Variants in TNS1 observed in about 807,000 individuals in gnomAD.
TNS1 encodes the protein tensin 1.
A neutral mutation model predicts 168.6 loss-of-function variants in TNS1; 62 were observed. The ratio of observed to expected loss-of-function variants is 0.37; its 90% CI spans 0.30 to 0.45. TNS1 has a LOEUF of 0.45. TNS1 is among the 20% of genes least tolerant of loss of function. The pLI, the probability that TNS1 is intolerant of heterozygous loss-of-function variation, is 1.00. For synonymous variants in TNS1, 934 were observed against 933.2 expected (o/e 1.00, Z -0.02); for missense variants, 2,240 against 2,339.4 (o/e 0.96, Z 0.88).
intron 3 of TNS1, among the ~76,000 whole-genome samples, chr2:217,962,512 G>C (rs1012433278): frequency 6.6e-6 from 1 of 152,038 alleles, no homozygotes; most frequent in Non-Finnish European, 1.5e-5. Flanking sequence ...GCCATGGCTA[G>C]ATCAATTGGA....
chr2:217,835,278 G>T, intron 20 of TNS1, 112 bp from the exon 21 acceptor site: 1 of 999,508 alleles, frequency 1.0e-6, no homozygotes, highest in Non-Finnish European at 1.5e-6. Flanking sequence ...ACATCCCCTC[G>T]TCAGCCTGGC....
intron 18 of TNS1, 107 bp from the exon 19 acceptor site, chr2:217,849,194 GC>G: frequency 7.3e-7 from 1 of 1,375,962 alleles, no homozygotes; most frequent in Non-Finnish European, 9.8e-7. Context: ...CCCATGCCCT[GC>G]ATCCTAAAAC....
At chr2:217,967,475 T>C (rs767118316) in intron 3 of TNS1, among the ~76,000 whole-genome samples, 2 of 151,998 alleles carry the variant, frequency 1.3e-5, no homozygotes, top group African/African-American at 2.4e-5. Context: ...ATTACTCAAA[T>C]CACAAGTGAA....
chr2:217,976,566 C>T (rs972993508), intron 3 of TNS1, among the ~76,000 whole-genome samples: 2 of 152,244 alleles, frequency 1.3e-5, no homozygotes, highest in African/African-American at 4.8e-5. Context: ...ACTTAGTTGG[C>T]CTCCTTGGGC....
At chr2:217,996,752 C>G (rs1958477135) in intron 1 of TNS1, among the ~76,000 whole-genome samples, 2 of 152,040 alleles carry the variant, frequency 1.3e-5, no homozygotes, top group African/African-American at 4.8e-5. Flanking sequence ...GCCCCGACAC[C>G]AGGCCGCTCC....
intron 3 of TNS1, among the ~76,000 whole-genome samples, chr2:217,971,233 T>C (rs555892884): frequency 6.6e-6 from 1 of 152,278 alleles, no homozygotes; most frequent in Admixed American, 6.5e-5. Context: ...TTGCAGCCAA[T>C]CTCCCCACCA....
At chr2:218,019,643 G>A (rs924329515) in intron 1 of TNS1, among the ~76,000 whole-genome samples, 7 of 152,140 alleles carry the variant, frequency 4.6e-5, no homozygotes, top group South Asian at 2.1e-4. Flanking sequence ...TTGCCCTTTC[G>A]CCTCAGAGCA....
At chr2:217,896,197 C>G (rs113973225) in intron 8 of TNS1, among the ~76,000 whole-genome samples, 1 of 152,210 alleles carries the variant, frequency 6.6e-6, no homozygotes, top group Non-Finnish European at 1.5e-5. Context: ...AGAATTTGAA[C>G]CCAGGACTTT....
chr2:217,893,046 C>A (rs778489875), intron 10 of TNS1, 34 bp from the exon 11 acceptor site: 4 of 1,613,362 alleles, frequency 2.5e-6, no homozygotes, highest in Admixed American at 1.7e-5. Context: ...TCATTTATTT[C>A]TAAGGCCAGC....
intron 22 of TNS1, among the ~76,000 whole-genome samples, chr2:217,828,786 T>C (rs1415209016): frequency 6.6e-6 from 1 of 152,188 alleles, no homozygotes; most frequent in East Asian, 1.9e-4. Context: ...CCCAATGCAT[T>C]ATTGTATACA....
chr2:217,981,187 C>A (rs149930805), intron 2 of TNS1, among the ~76,000 whole-genome samples: 1 of 152,206 alleles, frequency 6.6e-6, no homozygotes, highest in Non-Finnish European at 1.5e-5. Flanking sequence ...GGAGGCCCAT[C>A]CCCTGGGCAG....
At chr2:217,907,493 G>A (rs537227967) in intron 4 of TNS1, among the ~76,000 whole-genome samples, 27 of 152,344 alleles carry the variant, frequency 1.8e-4, no homozygotes, top group Middle Eastern at 3.4e-3. Context: ...AAAGACCCAC[G>A]CTCAGTGCCC....
At chr2:217,847,487 A>T in intron 19 of TNS1, 23 bp downstream of exon 19, 1 of 1,423,742 alleles carries the variant, frequency 7.0e-7, no homozygotes, top group Middle Eastern at 1.9e-4. Context: ...GGGTAGAAGG[A>T]GTCAGGACTG....
Position 217,804,404 on chromosome 2 carries a change from T to TC in TNS1, c.*54dup. The stretch of plus-strand genomic sequence containing the variant: ...TTCAAGAGTGGTCAGGATTCATGGG[T>TC]CCCCTCCCCACAAGCCCCTTCCCCA... On this transcript the variant is annotated 3_prime_UTR_variant, in exon 33 of 33. Transcript: ENST00000682258. The TC allele has an allele frequency of 6.2e-7, 1 of 1,604,830 alleles. No homozygotes were observed. Among genetic ancestry groups the TC allele is most frequent in the South Asian group, 1.1e-5 (1 of 89,854 alleles).
In TNS1 at chr2:217,886,144, C is replaced by T. The variant is rs768576592; in HGVS notation, c.980-40G>A. ...TGGGTGTTAGCTAAGACAGCAGAAA[C>T]TGGCAGGCAGGAGGGGCAGAGGAGA... is the stretch of plus-strand genomic sequence containing the variant. On this transcript the variant is annotated intron_variant, in intron 13 of 32. Transcript: ENST00000682258. 6 of 1,609,406 alleles carry T rather than the reference C, an allele frequency of 3.7e-6. No individual in the cohort carries two copies. In the East Asian group the frequency reaches 1.3e-4, roughly 36 times the overall value.
chr2:217,848,222 C>T lies in TNS1; in HGVS notation c.2295G>A (p.Arg765=). The change falls in exon 19 of 33, where the codon CGG becomes CGA. Residue 765 remains arginine, a synonymous_variant. Transcript: ENST00000682258. The stretch of plus-strand genomic sequence containing the variant: ...AATTCAGTCCCCTTTGCACAGCCTC[C>T]CGGCTGCTTCCCCCTCGGACCGGAG... ...PPAPVRGGSS[R]EAVQRGLNSW... The T allele has an allele frequency of 6.3e-7, 1 of 1,582,082 alleles. No individual in the cohort carries two copies. The highest frequency in any genetic ancestry group is 8.6e-7 in the Non-Finnish European group (1 of 1,165,128).
chr2:217,824,789 C>T (rs931287086), intron 22 of TNS1, among the ~76,000 whole-genome samples: 4 of 152,146 alleles, frequency 2.6e-5, no homozygotes, highest in Admixed American at 2.6e-4. Flanking sequence ...CAGACCCTTC[C>T]AGGCACTCAT....
chr2:217,981,079 A>G lies in TNS1; in HGVS notation c.149-2277T>C, dbSNP rs142006723. Among the ~76,000 whole-genome samples the G allele has an allele frequency of 1.8e-3, 273 of 152,338 alleles. 1 individual carries two copies. The highest frequency in any genetic ancestry group is 5.9e-3 in the African/African-American group (247 of 41,572). ...CTCCCCACACTACACTCAGAGGGCA[A>G]GGAGCATGCCTGTCTCCTTTGCACT... On this transcript the variant is annotated intron_variant, in intron 2 of 32. Transcript: ENST00000682258.
intron 19 of TNS1, among the ~76,000 whole-genome samples, chr2:217,841,464 T>C (rs1229058227): frequency 6.6e-6 from 1 of 151,370 alleles, no homozygotes; most frequent in African/African-American, 2.4e-5. Context: ...AAAGAGAAAA[T>C]CAAGATTAGT....
Sources: gnomAD v4.1 joint callset for allele counts (sites outside exome capture counted in the v4.1 genomes callset) on GRCh38, gnomAD v4.1.1 for gene constraint, MANE v1.5 for transcripts, NCBI Gene and HGNC (gene_info 2026-07-23, HGNC 2026-07-21) for gene names.